The following VWC2L variants were observed in gnomAD, a reference collection of about 807,000 sequenced individuals.
VWC2L encodes the protein von Willebrand factor C domain containing 2 like.
In VWC2L, 10 loss-of-function variants were observed where a neutral mutation model predicts 21.6. That is an observed-to-expected ratio of 0.46 (90% CI 0.29 to 0.78). The LOEUF (loss-of-function observed/expected upper bound fraction) is 0.78. Among genes scored for constraint, VWC2L ranks in the 30% least tolerant of loss-of-function variants. The pLI is 0.10. For synonymous variants in VWC2L, 96 were observed against 94.3 expected (o/e 1.02, Z -0.10); for missense variants, 209 against 277.1 (o/e 0.75, Z 1.74).
intron 3 of VWC2L, among the ~76,000 whole-genome samples, chr2:214,478,917 C>T (rs951295897): frequency 6.6e-5 from 10 of 152,164 alleles, no homozygotes; most frequent in African/African-American, 2.4e-4. Context: ...TGCAGGAAAA[C>T]ATATTTCAAA....
At chr2:214,533,202 C>G (rs140761140) in intron 3 of VWC2L, among the ~76,000 whole-genome samples, 1 of 151,956 alleles carries the variant, frequency 6.6e-6, no homozygotes, top group Non-Finnish European at 1.5e-5. Context: ...ATGTGAAAAT[C>G]TCTCTCCTGG....
At chr2:214,425,439 T>G (rs1020014668) in intron 2 of VWC2L, among the ~76,000 whole-genome samples, 7 of 152,244 alleles carry the variant, frequency 4.6e-5, no homozygotes, top group African/African-American at 1.7e-4. Context: ...AGAGCACAGC[T>G]TTGCTCTTTG....
intron 3 of VWC2L, among the ~76,000 whole-genome samples, chr2:214,561,298 G>C (rs1574637250): frequency 6.6e-6 from 1 of 152,058 alleles, no homozygotes; most frequent in Admixed American, 6.6e-5. Context: ...ATTACACCTG[G>C]CATTCCTCCC....
rs557370243 is a variant in VWC2L, at chr2:214,491,435, G to C, written c.520+54677G>C. On this transcript the variant is annotated intron_variant, in intron 3 of 3. Transcript: ENST00000312504. ...AGGTTTTCCATGAGGGAAGAAGAGA[G>C]ACTAAATCCCAAAGCCAAAGATTTT... is the stretch of plus-strand genomic sequence containing the variant. Among the ~76,000 whole-genome samples, 16 of 152,164 alleles carry C rather than the reference G, an allele frequency of 1.1e-4. No individual in the cohort carries two copies. In the South Asian group the frequency reaches 3.1e-3, roughly 30 times the overall value.
At chr2:214,519,487 T>C (rs993623593) in intron 3 of VWC2L, among the ~76,000 whole-genome samples, 7 of 152,160 alleles carry the variant, frequency 4.6e-5, no homozygotes, top group Admixed American at 6.5e-5. Context: ...TTTGCCCACA[T>C]TGGAAACCAT....
At chr2:214,516,022 G>A (rs982804542) in intron 3 of VWC2L, among the ~76,000 whole-genome samples, 2 of 152,136 alleles carry the variant, frequency 1.3e-5, no homozygotes, top group Non-Finnish European at 2.9e-5. Context: ...AGATACAGGT[G>A]AGAACTTTTT....
At chr2:214,427,414 A>G (rs79453036) in intron 2 of VWC2L, among the ~76,000 whole-genome samples, 7,664 of 152,262 alleles carry the variant, frequency 0.05, 595 homozygotes, top group African/African-American at 0.17. Flanking sequence ...AAGACTCCAA[A>G]AACTGTGAGC....
intron 3 of VWC2L, among the ~76,000 whole-genome samples, chr2:214,538,243 C>T (rs1689567549): frequency 6.6e-6 from 1 of 152,014 alleles, no homozygotes; most frequent in Non-Finnish European, 1.5e-5. Context: ...ACTCACAGAC[C>T]TGGAAGCTGC....
At chr2:214,515,153 C>T (rs558162831) in intron 3 of VWC2L, among the ~76,000 whole-genome samples, 9 of 152,116 alleles carry the variant, frequency 5.9e-5, no homozygotes, top group Non-Finnish European at 1.3e-4. Flanking sequence ...TATCTGTCCT[C>T]GGAATGAGAA....
intron 3 of VWC2L, among the ~76,000 whole-genome samples, chr2:214,482,757 C>T (rs547500635): frequency 1.3e-5 from 2 of 151,668 alleles, no homozygotes; most frequent in South Asian, 4.2e-4. Flanking sequence ...AGTGAAACTG[C>T]ATCTCAAAAA....
chr2:214,558,728 C>A (rs1689914980), intron 3 of VWC2L, among the ~76,000 whole-genome samples: 1 of 152,134 alleles, frequency 6.6e-6, no homozygotes, highest in Non-Finnish European at 1.5e-5. Context: ...ACATTAAAAC[C>A]AGCGTCATCT....
chr2:214,471,220 A>G (rs919225577), intron 3 of VWC2L, among the ~76,000 whole-genome samples: 3 of 152,192 alleles, frequency 2.0e-5, no homozygotes, highest in Non-Finnish European at 4.4e-5. Flanking sequence ...TTCGAAGCCC[A>G]ACTCATGCTT....
chr2:214,478,837 G>C (rs1028861920), intron 3 of VWC2L, among the ~76,000 whole-genome samples: 2 of 152,118 alleles, frequency 1.3e-5, no homozygotes, highest in African/African-American at 4.8e-5. Context: ...TATTTCCCCT[G>C]TCCCTAGTCC....
chr2:214,548,590 A>G (rs1425576553), intron 3 of VWC2L, among the ~76,000 whole-genome samples: 1 of 152,240 alleles, frequency 6.6e-6, no homozygotes, highest in Non-Finnish European at 1.5e-5. Flanking sequence ...TACATAAAGC[A>G]GCTAAAGGTA....
At chr2:214,446,555 G>A (rs999512307) in intron 3 of VWC2L, among the ~76,000 whole-genome samples, 19 of 152,060 alleles carry the variant, frequency 1.2e-4, no homozygotes, top group African/African-American at 3.9e-4. Flanking sequence ...TAATCATATC[G>A]CTTCTAGAAT....
At chr2:214,443,209 T>C (rs1230853098) in intron 3 of VWC2L, among the ~76,000 whole-genome samples, 4 of 151,968 alleles carry the variant, frequency 2.6e-5, no homozygotes, top group Admixed American at 6.6e-5. Context: ...TGAAACCCTG[T>C]AGCTACAACA....
At chr2:214,542,556 C>T (rs151015912) in intron 3 of VWC2L, among the ~76,000 whole-genome samples, 2,675 of 152,322 alleles carry the variant, frequency 0.018, 38 homozygotes, top group Middle Eastern at 0.061. Context: ...GCTGGTGTTA[C>T]AGCTGCCAAG....
chr2:214,472,925 G>A (rs1360449212), intron 3 of VWC2L, among the ~76,000 whole-genome samples: 2 of 152,186 alleles, frequency 1.3e-5, no homozygotes, highest in Non-Finnish European at 2.9e-5. Flanking sequence ...TCTAACCAAA[G>A]TGATATGTCT....
In VWC2L at chr2:214,521,272, TAAATAAAA is replaced by T. The variant is rs764904953; in HGVS notation, c.521-54399_521-54392del. On this transcript the variant is annotated intron_variant, in intron 3 of 3. Coordinates refer to ENST00000312504, the MANE Select transcript of VWC2L (RefSeq NM_001080500.4). Reference sequence around the variant, plus strand: ...ATAAATAAATAAATAAATAAATAAATAAATAAAACTACCAAGTTTGAGCAAACATGCTA... The same window carrying T: ...ATAAATAAATAAATAAATAAATAAATCTACCAAGTTTGAGCAAACATGCTA... Among the ~76,000 whole-genome samples the T allele has an allele frequency of 1.9e-3, 260 of 134,422 alleles. 2 individuals carry two copies. The highest frequency in any genetic ancestry group is 8.0e-3 in the East Asian group (33 of 4,122). 88.2% of individuals were successfully genotyped at this position (134,422 alleles called of 152,430 possible). A position where few individuals can be genotyped will look rare whatever the true frequency, so the allele number is the denominator to read the frequency against.
Sources: gnomAD v4.1 joint callset for allele counts (sites outside exome capture counted in the v4.1 genomes callset) on GRCh38, gnomAD v4.1.1 for gene constraint, MANE v1.5 for transcripts, NCBI Gene and HGNC (gene_info 2026-07-23, HGNC 2026-07-21) for gene names.